CDH23: variants seen among roughly 807,000 people sequenced by gnomAD.
CDH23 encodes cadherin related 23.
A neutral mutation model predicts 317.1 loss-of-function variants in CDH23; 189 were observed. That is an observed-to-expected ratio of 0.60 (90% CI 0.53 to 0.67). CDH23 has a LOEUF of 0.67. Among genes scored for constraint, CDH23 ranks in the 30% least tolerant of loss-of-function variants. CDH23 has a pLI of 0.00. For synonymous variants in CDH23, 1,839 were observed against 1,876.8 expected, an observed-to-expected ratio of 0.98 and a Z score of 0.52; for missense variants, 4,401 against 4,592.4, an observed-to-expected ratio of 0.96 and a Z score of 1.20.
At chr10:71,643,621 C>A (rs948614643) in intron 11 of CDH23, among the ~76,000 whole-genome samples, 1 of 152,066 alleles carries the variant, frequency 6.6e-6, no homozygotes, top group Non-Finnish European at 1.5e-5. Flanking sequence ...ATGCTTGTCC[C>A]TCTTCTTCAC....
At chr10:71,618,985 C>T (rs76906459) in intron 11 of CDH23, among the ~76,000 whole-genome samples, 4,177 of 152,266 alleles carry the variant, frequency 0.027, 219 homozygotes, top group African/African-American at 0.095. Flanking sequence ...CCAAGTATAA[C>T]CCATGGTCCT....
intron 31 of CDH23, among the ~76,000 whole-genome samples, chr10:71,730,961 G>C (rs561297054): frequency 6.6e-6 from 1 of 152,332 alleles, no homozygotes; most frequent in Non-Finnish European, 1.5e-5. Flanking sequence ...GCTGCGGCCT[G>C]GCCTGCTCCT....
At chr10:71,778,143 C>T in intron 39 of CDH23, 46 bp from the exon 40 acceptor site, 13 of 1,610,614 alleles carry the variant, frequency 8.1e-6, no homozygotes, top group Non-Finnish European at 1.1e-5. Flanking sequence ...GTGCTGCAGA[C>T]CTACCACCCC....
intron 11 of CDH23, among the ~76,000 whole-genome samples, chr10:71,640,237 C>A (rs1390708430): frequency 6.6e-6 from 1 of 152,232 alleles, no homozygotes; most frequent in Non-Finnish European, 1.5e-5. Context: ...ACCATCTTTT[C>A]AGTCCCTCAC....
chr10:71,438,596 C>T (rs1390442259), intron 1 of CDH23, among the ~76,000 whole-genome samples: 2 of 152,130 alleles, frequency 1.3e-5, no homozygotes, highest in East Asian at 3.9e-4. Flanking sequence ...GGGGTCCACG[C>T]TCTCAGCTCT....
intron 38 of CDH23, among the ~76,000 whole-genome samples, chr10:71,771,580 C>T (rs1278160578): frequency 1.3e-5 from 2 of 152,186 alleles, no homozygotes; most frequent in Admixed American, 6.5e-5. Flanking sequence ...ATAGTGTGTC[C>T]ATGTCACAGT....
intron 19 of CDH23, among the ~76,000 whole-genome samples, chr10:71,689,211 G>A (rs943906015): frequency 2.2e-5 from 2 of 91,280 alleles, no homozygotes; most frequent in African/African-American, 1.0e-4. Context: ...GGTTGGTGGA[G>A]TCAGGGATGG....
chr10:71,510,158 C>T lies in CDH23; in HGVS notation c.222C>T (p.Ala74=), dbSNP rs773950182. The T allele has an allele frequency of 2.5e-5, 40 of 1,613,878 alleles. No individual in the cohort carries two copies. Among genetic ancestry groups the T allele is most frequent in the Non-Finnish European group, 3.2e-5 (38 of 1,179,892 alleles). The change falls in exon 4 of 70, where the codon GCC becomes GCT. Residue 74 remains alanine, a synonymous_variant. Coordinates refer to ENST00000224721, the MANE Select transcript of CDH23 (RefSeq NM_022124.6). The stretch of plus-strand genomic sequence containing the variant: ...TGTTTGGCGTGTCTGGGGAGGAGGC[C>T]TCTCGCTTCTTTGCAGTGGAGCCTG... ...PLVFGVSGEE[A]SRFFAVEPDT... is the part of the protein sequence containing the mutation.
intron 3 of CDH23, among the ~76,000 whole-genome samples, chr10:71,470,335 A>G (rs1369952542): frequency 6.6e-6 from 1 of 152,194 alleles, no homozygotes; most frequent in Non-Finnish European, 1.5e-5. Context: ...GTTCAGTGGC[A>G]TTAATTACAT....
intron 28 of CDH23, chr10:71,713,235 C>T (rs1016313036): frequency 2.6e-6 from 2 of 779,292 alleles, no homozygotes; most frequent in Admixed American, 3.4e-5. Flanking sequence ...GGGAAGTAAA[C>T]AGGCACAAGA....
chr10:71,665,493 C>A (rs1487170418), intron 14 of CDH23, among the ~76,000 whole-genome samples: 1 of 152,186 alleles, frequency 6.6e-6, no homozygotes, highest in African/African-American at 2.4e-5. Flanking sequence ...GGAGCAGCAA[C>A]CCAGAGATCT....
chr10:71,585,128 G>A (rs1298101725), intron 9 of CDH23, among the ~76,000 whole-genome samples: 2 of 152,160 alleles, frequency 1.3e-5, no homozygotes, highest in Admixed American at 6.5e-5. Flanking sequence ...GGGGAGGTCT[G>A]GGGGTCATTG....
intron 1 of CDH23, among the ~76,000 whole-genome samples, chr10:71,422,141 C>T (rs1848847158): frequency 6.6e-6 from 1 of 151,816 alleles, no homozygotes; most frequent in Non-Finnish European, 1.5e-5. Flanking sequence ...ATGGCAGACA[C>T]ATGGGTCTAG....
In CDH23 at chr10:71,617,348, C is replaced by T. The variant is rs556135873; in HGVS notation, c.1089C>T (p.Val363=). The part of the protein sequence containing the change: ...YSVAITELAQ[V]GFALPLFIQV... ...TGGCCATCACTGAGCTGGCACAGGTCGGCTTTGCCCTTCCACTCTTCATCC... is the reference window on the plus strand; with the variant it reads ...TGGCCATCACTGAGCTGGCACAGGTTGGCTTTGCCCTTCCACTCTTCATCC... The change falls in exon 11 of 70, where the codon GTC becomes GTT. Residue 363 remains valine, a synonymous_variant. Transcript: ENST00000224721. The T allele has an allele frequency of 6.3e-4, 1,011 of 1,613,910 alleles. 18 individuals carry two copies. In the South Asian group the frequency reaches 0.01, roughly 16 times the overall value.
chr10:71,560,278 C>T (rs1276622796), intron 6 of CDH23, among the ~76,000 whole-genome samples: 1 of 152,188 alleles, frequency 6.6e-6, no homozygotes, highest in Admixed American at 6.5e-5. Context: ...GACTTGAATT[C>T]TTCTTGTTCC....
At position 71,807,919 on chromosome 10, in the gene CDH23, C is replaced by A. The variant is rs1841787113; in HGVS notation, c.8634C>A (p.Asn2878Lys). The A allele has an allele frequency of 6.2e-7, 1 of 1,604,374 alleles. No individual in the cohort carries two copies. Among genetic ancestry groups the A allele is most frequent in the Non-Finnish European group, 8.5e-7 (1 of 1,175,542 alleles). ...VLALDADIGN[N>K]SLVFYSILAI... ...CCCTGGATGCAGACATTGGCAACAA[C>A]AGCCTTGTCTTCTACAGCATTCTGG... Residue 2878 changes from asparagine (N) to lysine (K), a missense_variant, in exon 60 of 70, where the codon AAC (asparagine) becomes AAA (lysine). By Grantham distance (94) the Asn-to-Lys change is moderately conservative. This residue lies in a region of CDH23 where 1,144 missense variants were observed against 1,138.2 expected (regional missense o/e 1.01). Coordinates refer to ENST00000224721, the MANE Select transcript of CDH23 (RefSeq NM_022124.6).
chr10:71,397,237 C>T lies in CDH23; in HGVS notation c.-87C>T, dbSNP rs767031243. ...GACGCGGCGGTGGCCAGGGCCAGAG[C>T]AGGCGGCCCGCGGGGGCCGATCCGG... On this transcript the variant is annotated 5_prime_UTR_variant, in exon 1 of 70. The change creates a premature stop within an existing upstream ORF in the 5' untranslated region. Coordinates refer to ENST00000224721, the MANE Select transcript of CDH23 (RefSeq NM_022124.6). The surrounding 1 kb of genome is among the most constrained non-coding windows in gnomAD (Gnocchi z 4.8). 1 of 211,716 alleles carries T rather than the reference C, an allele frequency of 4.7e-6. No individual in the cohort carries two copies. The highest frequency in any genetic ancestry group is 9.4e-6 in the Non-Finnish European group (1 of 105,838). The allele number at this position is 211,716 out of a possible 1,614,324, so 13.1% of individuals were successfully genotyped here. A position where few individuals can be genotyped will look rare whatever the true frequency, so the allele number is the denominator to read the frequency against.
intron 9 of CDH23, 51 bp downstream of exon 9, chr10:71,578,043 AAGGAGAGCC>A (rs1363878433): frequency 6.6e-7 from 1 of 1,519,090 alleles, no homozygotes; most frequent in Admixed American, 1.9e-5. Context: ...TCCTCCACCC[AAGGAGAGCC>A]AGTAGGCATC....
intron 38 of CDH23, chr10:71,773,505 G>T: frequency 6.8e-7 from 1 of 1,478,974 alleles, no homozygotes; most frequent in Non-Finnish European, 9.2e-7. Context: ...CCGGCGCGGG[G>T]AAGCCTCCCG....
Sources: allele counts gnomAD v4.1 joint callset (sites outside exome capture counted in the v4.1 genomes callset), GRCh38; gene constraint gnomAD v4.1.1; regional missense constraint gnomAD v4.1.1; non-coding constraint Gnocchi (gnomAD v3.1); transcripts MANE v1.5; gene names NCBI Gene and HGNC (gene_info 2026-07-23, HGNC 2026-07-21).